Variants in CDH4 observed in about 807,000 individuals in gnomAD.
CDH4 encodes the protein cadherin 4.
A neutral mutation model predicts 86.0 loss-of-function variants in CDH4; 33 were observed. The observed-to-expected ratio is 0.38, with a 90% CI of 0.29 to 0.51. CDH4 has a LOEUF of 0.51. CDH4 is among the 20% of genes least tolerant of loss of function. CDH4 has a pLI of 0.86. For missense variants in CDH4, 1,114 were observed against 1,307.4 expected (o/e 0.85, Z 2.28); for synonymous variants, 555 against 549.4 (o/e 1.01, Z -0.14).
chr20:61,531,817 A>G (rs116896199), intron 2 of CDH4, among the ~76,000 whole-genome samples: 2,228 of 152,326 alleles, frequency 0.015, 99 homozygotes, highest in East Asian at 0.08. Context: ...CAGACTGGAA[A>G]TTGGATGTGG....
At chr20:61,724,395 C>T (rs1259618530) in intron 2 of CDH4, among the ~76,000 whole-genome samples, 1 of 152,212 alleles carries the variant, frequency 6.6e-6, no homozygotes, top group African/African-American at 2.4e-5. Context: ...TGAAGGCCCT[C>T]ACTTAGAAAA....
At chr20:61,601,799 C>T (rs1347391399) in intron 2 of CDH4, among the ~76,000 whole-genome samples, 1 of 152,240 alleles carries the variant, frequency 6.6e-6, no homozygotes, top group Non-Finnish European at 1.5e-5. Flanking sequence ...CAAGCTCAGT[C>T]CACCAGTCCT....
At chr20:61,687,728 G>A (rs1372569060) in intron 2 of CDH4, among the ~76,000 whole-genome samples, 3 of 152,184 alleles carry the variant, frequency 2.0e-5, no homozygotes, top group Non-Finnish European at 4.4e-5. Context: ...TTGACAGATT[G>A]CATTTATCAC....
intron 2 of CDH4, among the ~76,000 whole-genome samples, chr20:61,321,941 ATAT>A (rs1335861278): frequency 6.6e-6 from 1 of 151,172 alleles, no homozygotes; most frequent in African/African-American, 2.4e-5. Flanking sequence ...ATAATAATAA[ATAT>A]TATATAATAA....
chr20:61,318,237 C>T (rs1232637449), intron 2 of CDH4, among the ~76,000 whole-genome samples: 1 of 152,152 alleles, frequency 6.6e-6, no homozygotes, highest in South Asian at 2.1e-4. Flanking sequence ...GACGACTCTC[C>T]CGTATGTTCC....
intron 2 of CDH4, among the ~76,000 whole-genome samples, chr20:61,452,928 T>C (rs2085388457): frequency 6.6e-6 from 1 of 152,226 alleles, no homozygotes; most frequent in African/African-American, 2.4e-5. Context: ...GTCTGCCTTC[T>C]TATAATAACA....
intron 2 of CDH4, chr20:61,740,533 G>C (rs999429399): frequency 2.0e-5 from 3 of 152,220 alleles, no homozygotes; most frequent in African/African-American, 7.2e-5. Context: ...AGGTATTGAA[G>C]GTTCTGAAGC....
chr20:61,476,446 A>C (rs1049480558), intron 2 of CDH4, among the ~76,000 whole-genome samples: 1 of 152,076 alleles, frequency 6.6e-6, no homozygotes, highest in African/African-American at 2.4e-5. Context: ...AAACGTAGAC[A>C]CAACACATAA....
intron 1 of CDH4, among the ~76,000 whole-genome samples, 197 bp from the exon 2 acceptor site, chr20:61,254,629 C>G (rs1025918291): frequency 2.0e-5 from 3 of 152,188 alleles, no homozygotes; most frequent in Admixed American, 6.5e-5. Flanking sequence ...TGCTCCTGGT[C>G]TGTAGCCTGG....
At chr20:61,736,780 G>A (rs1192978759) in intron 2 of CDH4, among the ~76,000 whole-genome samples, 1 of 152,132 alleles carries the variant, frequency 6.6e-6, no homozygotes, top group Non-Finnish European at 1.5e-5. Flanking sequence ...CCTGGGAGAT[G>A]GAGCCATCAT....
At chr20:61,844,211 G>A (rs1013114430) in intron 4 of CDH4, among the ~76,000 whole-genome samples, 8 of 152,098 alleles carry the variant, frequency 5.3e-5, no homozygotes, top group Non-Finnish European at 1.2e-4. Flanking sequence ...CTTTGGACTT[G>A]GGACCCGGAT....
intron 2 of CDH4, among the ~76,000 whole-genome samples, chr20:61,360,576 G>A (rs2084778137): frequency 6.6e-6 from 1 of 152,180 alleles, no homozygotes; most frequent in African/African-American, 2.4e-5. Flanking sequence ...TCAGTACACT[G>A]TGAAGAGCAA....
At position 61,910,574 on chromosome 20, in the gene CDH4, C is replaced by G. The variant is rs375540807; in HGVS notation, c.1341C>G (p.Pro447=). 3.1e-5 allele frequency: 50 copies of G among 1,613,608 alleles called. No homozygotes were observed. In the African/African-American group the frequency reaches 5.1e-4, roughly 16 times the overall value. The change falls in exon 9 of 16, where the codon CCC becomes CCG. Residue 447 remains proline, a synonymous_variant. Coordinates refer to ENST00000614565, the MANE Select transcript of CDH4 (RefSeq NM_001794.5). The part of the protein sequence containing the change: ...PSGHFSVRTD[P]VTNEGMVTVV... ...GGCACTTCAGCGTCCGCACAGACCCCGTAACCAACGAGGGCATGGTCACCG... is the reference window on the plus strand; with the variant it reads ...GGCACTTCAGCGTCCGCACAGACCCGGTAACCAACGAGGGCATGGTCACCG...
chr20:61,812,650 A>C (rs1357181808), intron 4 of CDH4, among the ~76,000 whole-genome samples: 1 of 152,182 alleles, frequency 6.6e-6, no homozygotes, highest in Non-Finnish European at 1.5e-5. Context: ...TGACCAACAG[A>C]TATTAACTGC....
intron 6 of CDH4, among the ~76,000 whole-genome samples, chr20:61,862,695 A>G (rs956887705): frequency 2.0e-5 from 3 of 152,138 alleles, no homozygotes; most frequent in African/African-American, 7.2e-5. Flanking sequence ...AGCATTTCTC[A>G]AAGTGCCCAG....
chr20:61,833,115 C>T (rs115210465), intron 4 of CDH4, among the ~76,000 whole-genome samples: 88 of 152,100 alleles, frequency 5.8e-4, no homozygotes, highest in African/African-American at 2.0e-3. Flanking sequence ...AGTGAGTGAA[C>T]ACAGTACTCA....
chr20:61,764,049 C>T (rs2088670057), intron 3 of CDH4, among the ~76,000 whole-genome samples: 1 of 152,152 alleles, frequency 6.6e-6, no homozygotes, highest in Admixed American at 6.5e-5. Context: ...ACTGAGCTGT[C>T]CCTGGAGACC....
At chr20:61,438,545 T>C (rs6061412) in intron 2 of CDH4, among the ~76,000 whole-genome samples, 25,999 of 152,230 alleles carry the variant, frequency 0.17, 2,311 homozygotes, top group African/African-American at 0.18. Flanking sequence ...GAAAATGGCA[T>C]GTGGGTATAA....
rs1036429822 is a variant in CDH4 at position 61,533,345 on chromosome 20, G to A, written c.170-210218G>A. On this transcript the variant is annotated intron_variant, in intron 2 of 15. Coordinates refer to ENST00000614565, the MANE Select transcript of CDH4 (RefSeq NM_001794.5). Reference sequence around the variant, plus strand: ...ACCCAGGACTGCCCGCCAACTCCGAGCCTGCAGGGGCCCCTGGTCAAGTGG... The same window carrying A: ...ACCCAGGACTGCCCGCCAACTCCGAACCTGCAGGGGCCCCTGGTCAAGTGG... 2.0e-5 allele frequency among the ~76,000 whole-genome samples: 3 copies of A among 152,234 alleles called. No individual in the cohort carries two copies. In the South Asian group the frequency reaches 6.2e-4, roughly 32 times the overall value.
Sources: allele counts gnomAD v4.1 joint callset (sites outside exome capture counted in the v4.1 genomes callset), GRCh38; gene constraint gnomAD v4.1.1; transcripts MANE v1.5; gene names NCBI Gene and HGNC (gene_info 2026-07-23, HGNC 2026-07-21).